The following CSMD3 variants were observed in gnomAD, a reference collection of about 807,000 sequenced individuals.
CSMD3 encodes the protein CUB and sushi domain-containing protein 3.
Under a neutral mutation model 435.2 loss-of-function variants are expected in CSMD3, and 177 were observed. The ratio of observed to expected loss-of-function variants is 0.41; its 90% confidence interval spans 0.36 to 0.46. The LOEUF (loss-of-function observed/expected upper bound fraction) is 0.46, where lower values mean the gene tolerates loss of function less well. CSMD3 is among the 20% of genes least tolerant of loss of function. CSMD3 has a pLI of 0.34. For missense variants in CSMD3, 4,265 were observed against 4,504.6 expected, an observed-to-expected ratio of 0.95 and a Z score of 1.52; for synonymous variants, 1,656 against 1,520.5, an observed-to-expected ratio of 1.09 and a Z score of -2.07.
chr8:112,706,813 A>G (rs866537216), intron 13 of CSMD3, among the ~76,000 whole-genome samples: 4 of 152,122 alleles, frequency 2.6e-5, no homozygotes, highest in Non-Finnish European at 5.9e-5. Context: ...ATATACAGTC[A>G]ATTAAAGAGA....
chr8:112,267,684 G>T (rs1817077768), intron 59 of CSMD3, among the ~76,000 whole-genome samples: 1 of 152,126 alleles, frequency 6.6e-6, no homozygotes, highest in Non-Finnish European at 1.5e-5. Context: ...GGGCACATGA[G>T]CTGAGATGCG....
intron 3 of CSMD3, among the ~76,000 whole-genome samples, chr8:113,191,092 T>G (rs1003491139): frequency 1.3e-5 from 2 of 151,866 alleles, no homozygotes; most frequent in African/African-American, 4.8e-5. Context: ...ATATTTTCTT[T>G]TCTGTATCTT....
intron 27 of CSMD3, among the ~76,000 whole-genome samples, chr8:112,533,233 G>A (rs1439385776): frequency 6.6e-6 from 1 of 151,276 alleles, no homozygotes; most frequent in Non-Finnish European, 1.5e-5. Context: ...AAAATAACCA[G>A]AAAAAAAAGT....
At chr8:112,948,981 T>C (rs1349169311) in intron 8 of CSMD3, among the ~76,000 whole-genome samples, 1 of 152,002 alleles carries the variant, frequency 6.6e-6, no homozygotes. Context: ...ACAATCATAG[T>C]TCACTGTAGC....
chr8:113,402,133 C>T (rs1339233799), intron 1 of CSMD3, among the ~76,000 whole-genome samples: 1 of 151,218 alleles, frequency 6.6e-6, no homozygotes, highest in East Asian at 1.9e-4. Flanking sequence ...GATTTCATCC[C>T]TTTATAACAT....
chr8:112,959,793 CTA>C (rs1324785921), intron 7 of CSMD3, among the ~76,000 whole-genome samples: 27 of 151,856 alleles, frequency 1.8e-4, no homozygotes, highest in Admixed American at 1.8e-3. Flanking sequence ...GCACATATCA[CTA>C]TTGACAATAG....
chr8:112,566,068 C>A (rs1399613364), intron 24 of CSMD3, among the ~76,000 whole-genome samples: 2 of 147,522 alleles, frequency 1.4e-5, no homozygotes, highest in Non-Finnish European at 1.5e-5. Flanking sequence ...CTTACCTGGA[C>A]AGTTTTAAAA....
intron 41 of CSMD3, among the ~76,000 whole-genome samples, chr8:112,343,033 AG>A (rs1825327799): frequency 1.2e-4 from 17 of 140,340 alleles, no homozygotes; most frequent in South Asian, 4.4e-4. Context: ...ATATATATAT[AG>A]TTTAAATACA....
intron 40 of CSMD3, among the ~76,000 whole-genome samples, chr8:112,347,119 T>C (rs1269961526): frequency 2.0e-5 from 3 of 152,078 alleles, no homozygotes; most frequent in Non-Finnish European, 4.4e-5. Context: ...AATTTGAGAA[T>C]GTAGGGAGTT....
intron 1 of CSMD3, among the ~76,000 whole-genome samples, chr8:113,418,701 A>G (rs191689300): frequency 3.0e-4 from 46 of 152,326 alleles, no homozygotes; most frequent in African/African-American, 9.9e-4. Context: ...CTGAGCCACT[A>G]CGTAGTCTAA....
chr8:113,086,282 C>A (rs2134839), intron 5 of CSMD3, among the ~76,000 whole-genome samples: 102,589 of 150,704 alleles, frequency 0.68, 36,719 homozygotes, highest in East Asian at 0.95. Context: ...ACCAGTACAT[C>A]AAAAATTCCT....
chr8:112,411,419 C>T (rs117574562), intron 32 of CSMD3, among the ~76,000 whole-genome samples: 1 of 151,882 alleles, frequency 6.6e-6, no homozygotes, highest in East Asian at 1.9e-4. Flanking sequence ...ATGAGCAAGC[C>T]ACTTTTCTTT....
chr8:112,587,299 T>G, intron 22 of CSMD3, 64 bp from the exon 23 acceptor site: 1 of 1,182,838 alleles, frequency 8.5e-7, no homozygotes. Flanking sequence ...TCAAGCAATA[T>G]CATGTATGGA....
chr8:112,671,511 C>T (rs1446810208), intron 16 of CSMD3, among the ~76,000 whole-genome samples: 1 of 152,136 alleles, frequency 6.6e-6, no homozygotes, highest in Non-Finnish European at 1.5e-5. Flanking sequence ...AAAACCTTCT[C>T]CCTCTTTCAA....
chr8:112,812,789 T>C (rs1447690357), intron 12 of CSMD3, among the ~76,000 whole-genome samples: 2 of 152,206 alleles, frequency 1.3e-5, no homozygotes, highest in African/African-American at 2.4e-5. Flanking sequence ...TCAGTGTTCA[T>C]AGTTCATTCT....
intron 4 of CSMD3, among the ~76,000 whole-genome samples, chr8:113,166,644 C>T (rs1338159491): frequency 1.3e-5 from 2 of 151,796 alleles, no homozygotes; most frequent in East Asian, 1.9e-4. Flanking sequence ...TTTTCAAAAA[C>T]GATGTCTAAT....
chr8:112,325,976 T>TGTC (rs1244181993), intron 45 of CSMD3, among the ~76,000 whole-genome samples: 1 of 152,162 alleles, frequency 6.6e-6, no homozygotes, highest in Non-Finnish European at 1.5e-5. Context: ...TCAATAAGAA[T>TGTC]AAACCACTAT....
chr8:112,506,915 A>C, intron 28 of CSMD3, 86 bp from the exon 29 acceptor site: 4 of 1,192,648 alleles, frequency 3.4e-6, no homozygotes, highest in Non-Finnish European at 4.9e-6. Context: ...CGTCTCTAAA[A>C]GAGCTTATGA....
intron 1 of CSMD3, among the ~76,000 whole-genome samples, chr8:113,323,706 A>T (rs980646294): frequency 6.6e-6 from 1 of 152,250 alleles, no homozygotes; most frequent in African/African-American, 2.4e-5. Flanking sequence ...ATGTTTATAT[A>T]TCAAATTATT....
Sources: allele counts gnomAD v4.1 joint callset (sites outside exome capture counted in the v4.1 genomes callset), GRCh38; gene constraint gnomAD v4.1.1; transcripts MANE v1.5; gene names NCBI Gene and HGNC (gene_info 2026-07-23, HGNC 2026-07-21).